FAM13A: variants seen among roughly 807,000 people sequenced by gnomAD.
FAM13A encodes family with sequence similarity 13 member A.
In FAM13A, 76 loss-of-function variants were observed where a neutral mutation model predicts 129.6. The observed-to-expected ratio is 0.59, with a 90% CI of 0.49 to 0.71. The LOEUF is 0.71. Ranked by LOEUF, FAM13A falls within the 30% of genes least tolerant of loss-of-function variation. The pLI is 0.00. For synonymous variants in FAM13A, 443 were observed against 449.9 expected (o/e 0.98, Z 0.20); for missense variants, 1,108 against 1,249.3 (o/e 0.89, Z 1.70).
rs1428614051 is a variant in FAM13A, at chr4:88,768,768, C to G, written c.1459-709G>C. Among the ~76,000 whole-genome samples the G allele has an allele frequency of 2.6e-5, 4 of 151,808 alleles. No homozygotes were observed. The East Asian group carries it at 7.7e-4, about 29-fold the overall frequency. On this transcript the variant is annotated intron_variant, in intron 11 of 23. Coordinates refer to ENST00000264344, the MANE Select transcript of FAM13A (RefSeq NM_014883.4). ...GATGGAAAAAGTAAAGACAGAAAAC[C>G]TAATTTGAATAGTATGTATTTTCGG...
intron 8 of FAM13A, among the ~76,000 whole-genome samples, chr4:88,800,349 G>A (rs1727167715): frequency 6.6e-6 from 1 of 152,104 alleles, no homozygotes; most frequent in South Asian, 2.1e-4. Context: ...AACCAAAACA[G>A]CAGAGCTCCA....
At chr4:88,981,345 C>T (rs181999018) in intron 4 of FAM13A, among the ~76,000 whole-genome samples, 1 of 152,210 alleles carries the variant, frequency 6.6e-6, no homozygotes, top group Admixed American at 6.5e-5. Flanking sequence ...AACCAAAAGC[C>T]GAGGCTTTGG....
At chr4:88,871,257 C>A (rs1034548851) in intron 6 of FAM13A, among the ~76,000 whole-genome samples, 1 of 152,212 alleles carries the variant, frequency 6.6e-6, no homozygotes, top group African/African-American at 2.4e-5. Context: ...ATCACAGCTC[C>A]TTGGCAGCAA....
chr4:88,779,624 G>A (rs186590861), intron 11 of FAM13A, among the ~76,000 whole-genome samples: 400 of 152,190 alleles, frequency 2.6e-3, no homozygotes, highest in Admixed American at 4.8e-3. Flanking sequence ...CCTGGAATGC[G>A]GAAACTGGCA....
chr4:88,875,200 C>T (rs929688164), intron 6 of FAM13A, among the ~76,000 whole-genome samples: 9 of 152,104 alleles, frequency 5.9e-5, no homozygotes, highest in African/African-American at 1.9e-4. Flanking sequence ...AGAAGAAAAC[C>T]TAGGCAATAC....
chr4:89,005,092 G>T (rs1764825658), intron 3 of FAM13A, among the ~76,000 whole-genome samples: 1 of 148,790 alleles, frequency 6.7e-6, no homozygotes, highest in African/African-American at 2.4e-5. Flanking sequence ...AGTAGACCTA[G>T]TGTCTGTTGT....
At chr4:88,967,277 A>G (rs545402477) in intron 4 of FAM13A, among the ~76,000 whole-genome samples, 5 of 152,314 alleles carry the variant, frequency 3.3e-5, no homozygotes, top group South Asian at 2.1e-4. Context: ...TGATTTATCT[A>G]CTATACATTT....
intron 14 of FAM13A, among the ~76,000 whole-genome samples, chr4:88,752,336 G>A (rs749889526): frequency 6.6e-6 from 1 of 152,154 alleles, no homozygotes. Flanking sequence ...AACTTAGAAT[G>A]TGCCAAGTGC....
intron 2 of FAM13A, among the ~76,000 whole-genome samples, chr4:89,022,078 T>C (rs17014931): frequency 0.013 from 1,999 of 152,266 alleles, 47 homozygotes; most frequent in African/African-American, 0.045. Context: ...GAGAGTCTAA[T>C]GGTGAATGTT....
chr4:88,752,453 T>C (rs1182414665), intron 14 of FAM13A, among the ~76,000 whole-genome samples: 1 of 151,894 alleles, frequency 6.6e-6, no homozygotes, highest in African/African-American at 2.4e-5. Flanking sequence ...AGTCCACAGG[T>C]TCTCGAAATT....
intron 1 of FAM13A, among the ~76,000 whole-genome samples, chr4:89,049,150 T>C (rs1771232687): frequency 6.6e-6 from 1 of 151,962 alleles, no homozygotes; most frequent in African/African-American, 2.4e-5. Flanking sequence ...ATAATTCCAG[T>C]GCTTTGGGAG....
intron 1 of FAM13A, among the ~76,000 whole-genome samples, chr4:89,044,913 C>T (rs1235928982): frequency 2.0e-5 from 3 of 150,878 alleles, no homozygotes; most frequent in Non-Finnish European, 2.9e-5. Flanking sequence ...CTACCAGGGG[C>T]TGGGAGGTGG....
intron 7 of FAM13A, among the ~76,000 whole-genome samples, chr4:88,825,571 AC>A (rs1409381247): frequency 1.3e-5 from 2 of 152,144 alleles, no homozygotes; most frequent in African/African-American, 4.8e-5. Flanking sequence ...TATTCAAGTG[AC>A]AGAAATATTA....
intron 3 of FAM13A, among the ~76,000 whole-genome samples, chr4:88,995,284 T>A (rs1358139524): frequency 6.6e-6 from 1 of 152,166 alleles, no homozygotes; most frequent in Non-Finnish European, 1.5e-5. Context: ...ATGGTTAATA[T>A]TGAGTGTCAA....
intron 3 of FAM13A, among the ~76,000 whole-genome samples, chr4:89,007,035 G>C (rs1352219932): frequency 6.6e-6 from 1 of 152,174 alleles, no homozygotes; most frequent in Non-Finnish European, 1.5e-5. Flanking sequence ...AGGAATGCCT[G>C]TTCTAATTTA....
At chr4:89,049,262 CA>C (rs934276383) in intron 1 of FAM13A, among the ~76,000 whole-genome samples, 152 of 139,732 alleles carry the variant, frequency 1.1e-3, no homozygotes, top group Middle Eastern at 3.6e-3. Flanking sequence ...GACCCTAACT[CA>C]AAAAAAAAAA....
At chr4:88,922,419 A>G (rs1751278906) in intron 5 of FAM13A, among the ~76,000 whole-genome samples, 1 of 152,178 alleles carries the variant, frequency 6.6e-6, no homozygotes, top group Admixed American at 6.5e-5. Flanking sequence ...GCTCAACTAC[A>G]TGGAAACTGA....
At chr4:88,818,734 C>G (rs978424199) in intron 7 of FAM13A, among the ~76,000 whole-genome samples, 1 of 152,190 alleles carries the variant, frequency 6.6e-6, no homozygotes, top group Non-Finnish European at 1.5e-5. Context: ...CCCTCCCAGA[C>G]TGTGTTTGTG....
At chr4:88,948,834 T>C (rs1456517414) in intron 4 of FAM13A, among the ~76,000 whole-genome samples, 1 of 152,170 alleles carries the variant, frequency 6.6e-6, no homozygotes, top group Non-Finnish European at 1.5e-5. Context: ...TATGACTGTC[T>C]GAGAGCAATA....
Sources: allele counts gnomAD v4.1 joint callset (sites outside exome capture counted in the v4.1 genomes callset), GRCh38; gene constraint gnomAD v4.1.1; transcripts MANE v1.5; gene names NCBI Gene and HGNC (gene_info 2026-07-23, HGNC 2026-07-21).